MYSM1: variants seen among roughly 807,000 people sequenced by gnomAD.
MYSM1 encodes deubiquitinase MYSM1.
Under a neutral mutation model 116.0 loss-of-function variants are expected in MYSM1, and 51 were observed. The ratio of observed to expected loss-of-function variants is 0.44; its 90% CI spans 0.35 to 0.56. MYSM1 has a LOEUF of 0.56. MYSM1 is among the 20% of genes least tolerant of loss of function. MYSM1 has a pLI of 0.00. For synonymous variants in MYSM1, 313 were observed against 315.2 expected (o/e 0.99, Z 0.07); for missense variants, 900 against 974.9 (o/e 0.92, Z 1.02).
At chr1:58,671,347 T>G (rs761737805) in intron 12 of MYSM1, among the ~76,000 whole-genome samples, 1 of 152,166 alleles carries the variant, frequency 6.6e-6, no homozygotes, top group Non-Finnish European at 1.5e-5. Flanking sequence ...CAGGCAAAAA[T>G]ATGATCTAGT....
rs948705479 is a variant in MYSM1, at chr1:58,659,761, G to T, written c.*236C>A. ...GTTTCACAGCCTACAGCATTGCTCA[G>T]TAAAGGACTAGAACACCGTGGTGGA... On this transcript the variant is annotated 3_prime_UTR_variant, in exon 20 of 20. Coordinates refer to ENST00000472487, the MANE Select transcript of MYSM1 (RefSeq NM_001085487.3). 9.4e-6 allele frequency: 3 copies of T among 318,374 alleles called. No homozygotes were observed. The highest frequency in any genetic ancestry group is 4.3e-5 in the African/African-American group (2 of 46,400). 19.7% of individuals were successfully genotyped at this position (318,374 alleles called of 1,614,324 possible).
chr1:58,666,592 G>A (rs1183339441), intron 16 of MYSM1, among the ~76,000 whole-genome samples: 1 of 86,384 alleles, frequency 1.2e-5, no homozygotes, highest in Non-Finnish European at 2.3e-5. Context: ...TTTTTTTTTG[G>A]CTGGGTGTGG....
chr1:58,696,942 G>A (rs1049533466), intron 1 of MYSM1, among the ~76,000 whole-genome samples: 1 of 152,186 alleles, frequency 6.6e-6, no homozygotes, highest in Non-Finnish European at 1.5e-5. Flanking sequence ...AATATGATCA[G>A]ATCTGGATAT....
intron 17 of MYSM1, among the ~76,000 whole-genome samples, chr1:58,665,232 A>G (rs761921042): frequency 6.6e-6 from 1 of 152,300 alleles, no homozygotes; most frequent in Admixed American, 6.5e-5. Context: ...AGTGCCTAGC[A>G]TACACACTGC....
intron 12 of MYSM1, among the ~76,000 whole-genome samples, chr1:58,670,265 A>C (rs1644540684): frequency 6.6e-6 from 1 of 152,240 alleles, no homozygotes; most frequent in Non-Finnish European, 1.5e-5. Flanking sequence ...TAGATGAGAA[A>C]ATAGCACAGA....
At chr1:58,678,752 C>T (rs1273510499) in intron 8 of MYSM1, among the ~76,000 whole-genome samples, 67 of 152,272 alleles carry the variant, frequency 4.4e-4, no homozygotes, top group Non-Finnish European at 8.8e-5. Flanking sequence ...AGATAAGCCT[C>T]TAATTTCCCT....
Position 58,656,789 on chromosome 1 carries a change from T to C in MYSM1, c.*3208A>G, listed in dbSNP as rs989320648. The C allele has an allele frequency of 8.5e-5, 13 of 152,202 alleles. No homozygotes were observed. Among genetic ancestry groups the C allele is most frequent in the African/African-American group, 3.1e-4 (13 of 41,450 alleles). 9.4% of individuals were successfully genotyped at this position (152,202 alleles called of 1,614,324 possible). ...ATGCCAACTTATCCATTAGGCACAG[T>C]ACCTAAGGCCCACAGTTTTTTAGAA... On this transcript the variant is annotated 3_prime_UTR_variant, in exon 20 of 20. Coordinates refer to ENST00000472487, the MANE Select transcript of MYSM1 (RefSeq NM_001085487.3).
rs149426941 is a variant in MYSM1 at position 58,661,074 on chromosome 1, T to C, written c.2328+96A>G. The C allele has an allele frequency of 7.8e-4, 662 of 850,652 alleles. 6 individuals are homozygous for C. The African/African-American group carries it at 9.7e-3, about 12-fold the overall frequency. The allele number at this position is 850,652 out of a possible 1,614,324, so 52.7% of individuals were successfully genotyped here. A position where few individuals can be genotyped will look rare whatever the true frequency, so the allele number is the denominator to read the frequency against. ...GTAATAAAAGAAATATACAGAAAAT[T>C]ATCCACAAAGTATTAGGCATCATGG... On this transcript the variant is annotated intron_variant, in intron 19 of 19. Coordinates refer to ENST00000472487, the MANE Select transcript of MYSM1 (RefSeq NM_001085487.3).
At position 58,657,620 on chromosome 1, in the gene MYSM1, G is replaced by C. The variant is rs1277985402; in HGVS notation, c.*2377C>G. 2.0e-5 allele frequency: 3 copies of C among 152,114 alleles called. No homozygotes were observed. Among genetic ancestry groups the C allele is most frequent in the African/African-American group, 7.2e-5 (3 of 41,412 alleles). The allele number at this position is 152,114 out of a possible 1,614,324, so 9.4% of individuals were successfully genotyped here. A position where few individuals can be genotyped will look rare whatever the true frequency, so the allele number is the denominator to read the frequency against. On this transcript the variant is annotated 3_prime_UTR_variant, in exon 20 of 20. Coordinates refer to ENST00000472487, the MANE Select transcript of MYSM1 (RefSeq NM_001085487.3). ...AAGTTTAACATACTAAAATTATACT[G>C]TCAAAAAAATGGGGAAGGATTTATA... is the stretch of plus-strand genomic sequence containing the variant.
chr1:58,687,408 A>C (rs1409138513), intron 6 of MYSM1, among the ~76,000 whole-genome samples: 1 of 152,204 alleles, frequency 6.6e-6, no homozygotes, highest in African/African-American at 2.4e-5. Context: ...GAACCTTTTG[A>C]ATTTTAAACC....
chr1:58,697,647 TGGCGCGATCTC>T (rs1403063032), intron 1 of MYSM1, among the ~76,000 whole-genome samples: 1 of 151,354 alleles, frequency 6.6e-6, no homozygotes, highest in Non-Finnish European at 1.5e-5. Context: ...TAGAGGGCAA[TGGCGCGATCTC>T]GGCTCACTGC....
intron 2 of MYSM1, among the ~76,000 whole-genome samples, chr1:58,694,113 C>G (rs920524539): frequency 2.0e-5 from 3 of 152,238 alleles, no homozygotes; most frequent in Admixed American, 1.3e-4. Context: ...GATTCCCTCA[C>G]TGACAATTTA....
At position 58,654,857 on chromosome 1, in the gene MYSM1, G is replaced by C. The variant is rs966655003; in HGVS notation, c.*5140C>G. The C allele has an allele frequency of 2.0e-4, 30 of 152,126 alleles. No individual in the cohort carries two copies. Among genetic ancestry groups the C allele is most frequent in the African/African-American group, 7.2e-4 (30 of 41,430 alleles). 9.4% of individuals were successfully genotyped at this position (152,126 alleles called of 1,614,324 possible). A position where few individuals can be genotyped will look rare whatever the true frequency, so the allele number is the denominator to read the frequency against. ...TTATAATGTGTCACAATTAAGTATG[G>C]AGAGTTCTGTCATTTTTGAGGAAAA... On this transcript the variant is annotated 3_prime_UTR_variant, in exon 20 of 20. Transcript: ENST00000472487.
chr1:58,699,318 A>T (rs762886517), intron 1 of MYSM1, among the ~76,000 whole-genome samples: 7 of 152,234 alleles, frequency 4.6e-5, no homozygotes, highest in Non-Finnish European at 7.3e-5. Context: ...CACCTACCGT[A>T]TGCTAAAGCA....
At position 58,658,161 on chromosome 1, in the gene MYSM1, T is replaced by C. The variant is rs1333987697; in HGVS notation, c.*1836A>G. The C allele has an allele frequency of 2.6e-5, 4 of 152,090 alleles. No homozygotes were observed. The highest frequency in any genetic ancestry group is 4.4e-5 in the Non-Finnish European group (3 of 68,016). 9.4% of individuals were successfully genotyped at this position (152,090 alleles called of 1,614,324 possible). A position where few individuals can be genotyped will look rare whatever the true frequency, so the allele number is the denominator to read the frequency against. ...TGAGGAGCATGGGGTCCAGGTTATGTGTTTTGATTAAGGTCACACAGCAAA... is the reference window on the plus strand; with the variant it reads ...TGAGGAGCATGGGGTCCAGGTTATGCGTTTTGATTAAGGTCACACAGCAAA... On this transcript the variant is annotated 3_prime_UTR_variant, in exon 20 of 20. Transcript: ENST00000472487.
Position 58,665,644 on chromosome 1 carries a change from G to A in MYSM1, c.2032-13C>T. The A allele has an allele frequency of 2.0e-6, 3 of 1,463,440 alleles. No individual in the cohort carries two copies. The highest frequency in any genetic ancestry group is 1.2e-5 in the South Asian group (1 of 81,542). The allele number at this position is 1,463,440 out of a possible 1,614,324, so 90.7% of individuals were successfully genotyped here. A position where few individuals can be genotyped will look rare whatever the true frequency, so the allele number is the denominator to read the frequency against. ...TGGAGAAGTAACTCTACAATGACAA[G>A]AAAAATATAATTAGTTTCAACTATA... is the stretch of plus-strand genomic sequence containing the variant. On this transcript the variant is annotated splice_polypyrimidine_tract_variant and intron_variant, in intron 16 of 19. Coordinates refer to ENST00000472487, the MANE Select transcript of MYSM1 (RefSeq NM_001085487.3).
chr1:58,660,614 T>C (rs1644377040), intron 19 of MYSM1, among the ~76,000 whole-genome samples: 1 of 152,032 alleles, frequency 6.6e-6, no homozygotes, highest in Non-Finnish European at 1.5e-5. Flanking sequence ...AAACTGGATA[T>C]AACAGAAAGG....
At chr1:58,660,370 T>C (rs1026473740) in intron 19 of MYSM1, among the ~76,000 whole-genome samples, 1 of 152,152 alleles carries the variant, frequency 6.6e-6, no homozygotes, top group African/African-American at 2.4e-5. Flanking sequence ...AGTACTTTTA[T>C]GATTTTACAT....
rs777386535 is a variant in MYSM1 at position 58,667,152 on chromosome 1, C to T, written c.1917G>A (p.Gln639=). 7 of 1,613,178 alleles carry T rather than the reference C, an allele frequency of 4.3e-6. No individual in the cohort carries two copies. Among genetic ancestry groups the T allele is most frequent in the African/African-American group, 2.7e-5 (2 of 74,856 alleles). The stretch of plus-strand genomic sequence containing the variant: ...CTCTAACAGCCAAGGTTTCTGAGGC[C>T]TGTGTTTGTGATACAGGATCCATCT... ...QCEMDPVSQT[Q]ASETLAVRGF... The change falls in exon 16 of 20, where the codon CAG becomes CAA. Residue 639 remains glutamine (Q), a synonymous_variant. Transcript: ENST00000472487.
Sources: allele counts gnomAD v4.1 joint callset (sites outside exome capture counted in the v4.1 genomes callset), GRCh38; gene constraint gnomAD v4.1.1; transcripts MANE v1.5; gene names NCBI Gene and HGNC (gene_info 2026-07-23, HGNC 2026-07-21).